The following RBFOX1 variants were observed in gnomAD, a reference collection of about 807,000 sequenced individuals.
The protein encoded by RBFOX1 is RNA binding protein fox-1 homolog 1.
A neutral mutation model predicts 57.7 loss-of-function variants in RBFOX1; 8 were observed. That is an observed-to-expected ratio of 0.14 (90% CI 0.08 to 0.25). The LOEUF is 0.25. Among genes scored for constraint, RBFOX1 ranks in the 10% least tolerant of loss-of-function variants. The probability of loss-of-function intolerance (pLI) is 1.00; values close to 1 mark genes in which losing one functional copy is unlikely to be tolerated. For synonymous variants in RBFOX1, 326 were observed against 222.4 expected, an observed-to-expected ratio of 1.47 and a Z score of -4.15; for missense variants, 611 against 548.5, an observed-to-expected ratio of 1.11 and a Z score of -1.14.
intron 1 of RBFOX1, among the ~76,000 whole-genome samples, chr16:6,068,709 T>G (rs2095798260): frequency 1.3e-5 from 2 of 152,140 alleles, no homozygotes; most frequent in South Asian, 4.1e-4. Flanking sequence ...AGATGAGAAG[T>G]TAATCACTTA....
At chr16:7,165,227 T>G (rs1463331233) in intron 4 of RBFOX1, among the ~76,000 whole-genome samples, 1 of 151,890 alleles carries the variant, frequency 6.6e-6, no homozygotes, top group African/African-American at 2.4e-5. Context: ...AGGTGTGACA[T>G]GCAGTCGTGA....
intron 10 of RBFOX1, among the ~76,000 whole-genome samples, chr16:7,618,332 T>G (rs1295070785): frequency 1.3e-5 from 2 of 152,186 alleles, no homozygotes; most frequent in African/African-American, 4.8e-5. Flanking sequence ...AAGACTTGTA[T>G]TATTACTAAT....
chr16:6,887,078 C>T (rs1405163791), intron 3 of RBFOX1, among the ~76,000 whole-genome samples: 1 of 152,178 alleles, frequency 6.6e-6, no homozygotes, highest in African/African-American at 2.4e-5. Flanking sequence ...TTGGATTTTC[C>T]CTGCAGCTTC....
intron 3 of RBFOX1, among the ~76,000 whole-genome samples, chr16:5,820,169 A>G (rs2151801477): frequency 6.6e-6 from 1 of 152,322 alleles, no homozygotes; most frequent in Middle Eastern, 3.4e-3. Context: ...AGATGGAGGA[A>G]GCAGAGCTCA....
chr16:6,080,048 C>T (rs2095976505), intron 1 of RBFOX1, among the ~76,000 whole-genome samples: 2 of 152,204 alleles, frequency 1.3e-5, no homozygotes, highest in South Asian at 4.1e-4. Flanking sequence ...TCTGGTAATG[C>T]TATTAAGGAA....
chr16:7,220,710 C>A (rs751116596), intron 4 of RBFOX1, among the ~76,000 whole-genome samples: 1 of 152,012 alleles, frequency 6.6e-6, no homozygotes, highest in East Asian at 1.9e-4. Flanking sequence ...TGTGAACTTG[C>A]CACAGGATCA....
intron 3 of RBFOX1, among the ~76,000 whole-genome samples, chr16:6,721,087 A>G (rs191013311): frequency 7.8e-4 from 119 of 152,262 alleles, no homozygotes; most frequent in African/African-American, 2.7e-3. Flanking sequence ...CTGATAGCTC[A>G]GTGTTTGCTT....
chr16:5,327,292 T>C (rs1196866526), intron 1 of RBFOX1, among the ~76,000 whole-genome samples: 1 of 152,138 alleles, frequency 6.6e-6, no homozygotes, highest in Non-Finnish European at 1.5e-5. Context: ...TGCCTCTCTA[T>C]TGAGTCTGTA....
At chr16:7,457,637 C>G (rs1370863851) in intron 4 of RBFOX1, among the ~76,000 whole-genome samples, 2 of 152,152 alleles carry the variant, frequency 1.3e-5, no homozygotes, top group African/African-American at 4.8e-5. Context: ...TTTTAAATCA[C>G]AGGTATCAAA....
At chr16:5,321,522 G>T (rs1459038797) in intron 1 of RBFOX1, among the ~76,000 whole-genome samples, 1 of 152,080 alleles carries the variant, frequency 6.6e-6, no homozygotes, top group Non-Finnish European at 1.5e-5. Flanking sequence ...GGTTTTCACT[G>T]TGTTAGCCAG....
intron 1 of RBFOX1, among the ~76,000 whole-genome samples, chr16:5,367,624 C>A (rs145076380): frequency 6.6e-6 from 1 of 152,218 alleles, no homozygotes; most frequent in African/African-American, 2.4e-5. Flanking sequence ...GCAGCTCTAG[C>A]TTAACATTTA....
intron 4 of RBFOX1, among the ~76,000 whole-genome samples, chr16:7,454,209 G>T (rs1020393946): frequency 6.6e-6 from 1 of 152,162 alleles, no homozygotes; most frequent in Non-Finnish European, 1.5e-5. Flanking sequence ...CTCCAGCCTG[G>T]GCAGGAGGGC....
intron 1 of RBFOX1, among the ~76,000 whole-genome samples, chr16:5,415,927 A>C (rs13332850): frequency 0.026 from 4,005 of 152,258 alleles, 190 homozygotes; most frequent in African/African-American, 0.091. Flanking sequence ...AGAAATGCCA[A>C]ATGTCCCTCT....
intron 4 of RBFOX1, among the ~76,000 whole-genome samples, chr16:7,412,166 G>A (rs1008116594): frequency 3.9e-5 from 6 of 152,138 alleles, no homozygotes; most frequent in African/African-American, 9.6e-5. Flanking sequence ...GGACACCGTC[G>A]CTCACGGCTG....
chr16:6,131,797 T>G (rs1460452273), intron 1 of RBFOX1, among the ~76,000 whole-genome samples: 1 of 152,172 alleles, frequency 6.6e-6, no homozygotes, highest in Non-Finnish European at 1.5e-5. Context: ...CCTTCATAAA[T>G]GTGGAGAGGC....
Position 6,019,068 on chromosome 16 carries a change from C to A in RBFOX1, c.-1051C>A, listed in dbSNP as rs2095020602. ...AGCCGGGGCTGCTCGCTGCTTGTCG[C>A]GCGCTCACACACACACAGACACACA... is the stretch of plus-strand genomic sequence containing the variant. On this transcript the variant is annotated 5_prime_UTR_variant, in exon 1 of 16. Transcript: ENST00000550418. The surrounding 1 kb of genome is among the most constrained non-coding windows in gnomAD (Gnocchi z 4.2). 4 of 981,480 alleles carry A rather than the reference C, an allele frequency of 4.1e-6. No individual in the cohort carries two copies. The highest frequency in any genetic ancestry group is 4.8e-6 in the Non-Finnish European group (4 of 826,972). 60.8% of individuals were successfully genotyped at this position (981,480 alleles called of 1,614,324 possible).
At chr16:5,596,471 A>C (rs1456718632) in intron 2 of RBFOX1, among the ~76,000 whole-genome samples, 1 of 152,164 alleles carries the variant, frequency 6.6e-6, no homozygotes, top group East Asian at 1.9e-4. Context: ...GTTACTGAGA[A>C]AGACAGATTG....
At chr16:5,278,698 C>T (rs2151142045) in intron 1 of RBFOX1, among the ~76,000 whole-genome samples, 1 of 152,268 alleles carries the variant, frequency 6.6e-6, no homozygotes, top group African/African-American at 2.4e-5. Context: ...CCTGTGTTTA[C>T]TTCTAGTAGT....
At chr16:6,362,774 A>C (rs924928959) in intron 2 of RBFOX1, among the ~76,000 whole-genome samples, 8 of 152,126 alleles carry the variant, frequency 5.3e-5, no homozygotes, top group African/African-American at 1.9e-4. Context: ...TTTTTTATTG[A>C]ATTTTGCCGT....
Sources: gnomAD v4.1 joint callset for allele counts (sites outside exome capture counted in the v4.1 genomes callset) on GRCh38, gnomAD v4.1.1 for gene constraint, Gnocchi (gnomAD v3.1) non-coding constraint, MANE v1.5 for transcripts, NCBI Gene and HGNC (gene_info 2026-07-23, HGNC 2026-07-21) for gene names.